IL13RA2: variants seen among roughly 807,000 people sequenced by gnomAD.
The protein encoded by IL13RA2 is interleukin-13 receptor subunit alpha-2.
In IL13RA2, 25 loss-of-function variants were observed where a neutral mutation model predicts 34.1. The ratio of observed to expected loss-of-function variants is 0.73; its 90% confidence interval spans 0.53 to 1.03. IL13RA2 has a LOEUF of 1.03. IL13RA2 is among the 50% of genes least tolerant of loss of function. The pLI, the probability that IL13RA2 is intolerant of heterozygous loss-of-function variation, is 0.00. For synonymous variants in IL13RA2, 106 were observed against 100.4 expected (o/e 1.06, Z -0.33); for missense variants, 297 against 280.9 (o/e 1.06, Z -0.41).
In IL13RA2 at chrX:115,015,801, CA is replaced by C; in HGVS notation, c.114del (p.Phe38LeufsTer3). On this transcript the variant is annotated frameshift_variant, in exon 3 of 10. Coordinates refer to ENST00000243213, the MANE Select transcript of IL13RA2 (RefSeq NM_000640.3). LOFTEE classifies it high-confidence loss of function. The stretch of plus-strand genomic sequence containing the variant: ...CCTAAGTATCCGGGATCCACTATCT[CA>C]AAATCCTGAGGAGGGTTAACTGAAA... ...TEIKVNPPQD[F>X]EIVDPGYLGY... The C allele has an allele frequency of 8.5e-7, 1 of 1,183,036 alleles. No homozygotes were observed. Among genetic ancestry groups the C allele is most frequent in the Non-Finnish European group, 1.1e-6 (1 of 870,632 alleles).
chrX:115,015,947 A>G, intron 2 of IL13RA2, 126 bp from the exon 3 acceptor site: 1 of 466,527 alleles, frequency 2.1e-6, no homozygotes, highest in African/African-American at 2.4e-5. Context: ...CATGCATACA[A>G]TCAAATATTA....
At chrX:115,005,393 A>G (rs1258961651) in intron 8 of IL13RA2, 78 bp from the exon 9 acceptor site, 3 of 574,513 alleles carry the variant, frequency 5.2e-6, no homozygotes, top group Non-Finnish European at 9.1e-6. Context: ...TTTTATAAAT[A>G]CTTCAGAACT....
At chrX:115,016,909 G>GA (rs2071730279) in intron 2 of IL13RA2, among the ~76,000 whole-genome samples, 1 of 110,048 alleles carries the variant, frequency 9.1e-6, no homozygotes, top group African/African-American at 3.3e-5. Context: ...TGTTAAAAAA[G>GA]ACTATACAAA....
Position 115,014,507 on chromosome X carries a change from A to G in IL13RA2, c.314T>C (p.Ile105Thr), listed in dbSNP as rs1569507492. ...GCATTGCCATGGTAAAAGCGTGTGT[A>G]TCTTCGCTTCAATGCCCTTGTTAAG... Reference protein sequence around the residue: ...FDLNKGIEAKIHTLLPWQCTN... With the variant: ...FDLNKGIEAKTHTLLPWQCTN... Residue 105 changes from isoleucine to threonine, a missense_variant, in exon 4 of 10, where the codon ATA becomes ACA. Coordinates refer to ENST00000243213, the MANE Select transcript of IL13RA2 (RefSeq NM_000640.3). 3 of 1,191,775 alleles carry G rather than the reference A, an allele frequency of 2.5e-6. No homozygotes were observed. The South Asian group carries it at 5.4e-5, about 22-fold the overall frequency.
At chrX:115,006,294 C>G (rs1475482113) in intron 8 of IL13RA2, among the ~76,000 whole-genome samples, 5 of 111,789 alleles carry the variant, frequency 4.5e-5, no homozygotes, top group Non-Finnish European at 7.5e-5. Flanking sequence ...TCCTATTTTT[C>G]TATAACTTGA....
chrX:115,017,489 T>C (rs1489168737), intron 1 of IL13RA2, 64 bp downstream of exon 1: 5 of 328,908 alleles, frequency 1.5e-5, no homozygotes, highest in Non-Finnish European at 2.6e-5. Context: ...AAGAAAGGAT[T>C]CTAGTCTCAT....
At chrX:115,012,517 C>T (rs1035769097) in intron 5 of IL13RA2, among the ~76,000 whole-genome samples, 2 of 111,995 alleles carry the variant, frequency 1.8e-5, no homozygotes, top group African/African-American at 3.2e-5. Flanking sequence ...GTAATCTCAG[C>T]GCTTTCGGAG....
chrX:115,009,406 G>A, intron 7 of IL13RA2, 115 bp downstream of exon 7: 6 of 525,692 alleles, frequency 1.1e-5, no homozygotes, highest in Non-Finnish European at 1.9e-5. Flanking sequence ...ATTGAACTAA[G>A]ATATATGTCA....
intron 6 of IL13RA2, among the ~76,000 whole-genome samples, chrX:115,010,119 C>T (rs1416046713): frequency 9.0e-6 from 1 of 111,449 alleles, no homozygotes; most frequent in African/African-American, 3.3e-5. Flanking sequence ...CTCTGTTATC[C>T]TCATGTTACT....
chrX:115,010,539 C>T (rs1326226108), intron 6 of IL13RA2, 105 bp downstream of exon 6: 7 of 433,009 alleles, frequency 1.6e-5, no homozygotes, highest in African/African-American at 2.5e-5. Context: ...CTGTCTATGT[C>T]TCTCTCTCCT....
intron 7 of IL13RA2, among the ~76,000 whole-genome samples, chrX:115,008,529 A>T (rs1025739199): frequency 1.8e-5 from 2 of 111,518 alleles, no homozygotes; most frequent in Non-Finnish European, 3.8e-5. Flanking sequence ...TTTTTTCCTT[A>T]TGCTTATTTC....
In IL13RA2 at chrX:115,005,257, T is replaced by A. The variant is rs2071680716; in HGVS notation, c.1056A>T (p.Leu352Phe). ...GACCGGTTACAAATATAACTAATAT[T>A]AAGATGAAACCAAATGGTAGCCAGA... ...LRFWLPFGFI[L>F]ILVIFVTGLL... The change falls in exon 9 of 10, where the codon TTA (leucine) becomes TTT (phenylalanine). Residue 352 changes from leucine (L) to phenylalanine (F), a missense_variant. Transcript: ENST00000243213. 1 of 1,155,538 alleles carries A rather than the reference T, an allele frequency of 8.7e-7. No homozygotes were observed. Among genetic ancestry groups the A allele is most frequent in the Non-Finnish European group, 1.2e-6 (1 of 844,105 alleles).
At chrX:115,006,535 T>C (rs782322995) in intron 8 of IL13RA2, among the ~76,000 whole-genome samples, 1 of 110,051 alleles carries the variant, frequency 9.1e-6, no homozygotes, top group East Asian at 2.9e-4. Context: ...ATACAGAAAT[T>C]AGCCAGGCGT....
rs782275015 is a variant in IL13RA2, at chrX:115,005,259, A to G, written c.1054T>C (p.Leu352=). The change falls in exon 9 of 10, where the codon TTA becomes CTA. Residue 352 remains leucine, a synonymous_variant. Transcript: ENST00000243213. ...LRFWLPFGFI[L]ILVIFVTGLL... is the part of the protein sequence containing the mutation. ...CCGGTTACAAATATAACTAATATTA[A>G]GATGAAACCAAATGGTAGCCAGAAA... The G allele has an allele frequency of 2.6e-6, 3 of 1,150,926 alleles. No homozygotes were observed. The highest frequency in any genetic ancestry group is 2.2e-5 in the Admixed American group (1 of 45,830). 94.8% of individuals were successfully genotyped at this position (1,150,926 alleles called of 1,213,427 possible). A position where few individuals can be genotyped will look rare whatever the true frequency, so the allele number is the denominator to read the frequency against.
At chrX:115,010,963 C>G (rs782132471) in intron 5 of IL13RA2, 135 bp from the exon 6 acceptor site, 3 of 332,073 alleles carry the variant, frequency 9.0e-6, no homozygotes, top group Middle Eastern at 5.8e-4. Context: ...TATTAAGCAC[C>G]TACTATATGT....
At chrX:115,017,390 G>C in intron 1 of IL13RA2, 88 bp from the exon 2 acceptor site, 2 of 474,413 alleles carry the variant, frequency 4.2e-6, no homozygotes, top group South Asian at 6.3e-5. Flanking sequence ...AAAGCTCTCT[G>C]TGTGCTTCTC....
At chrX:115,007,897 G>A (rs1556507990) in intron 8 of IL13RA2, 35 bp downstream of exon 8, 1 of 877,298 alleles carries the variant, frequency 1.1e-6, no homozygotes. Context: ...CTAGCAAAGA[G>A]CTCATTATTT....
At chrX:115,005,135 GT>G in intron 9 of IL13RA2, 61 bp downstream of exon 9, 1 of 601,899 alleles carries the variant, frequency 1.7e-6, no homozygotes, top group African/African-American at 2.3e-5. Flanking sequence ...TCAGTTCTAA[GT>G]GCAGAACATT....
Position 115,015,710 on chromosome X carries a change from T to C in IL13RA2, c.206A>G (p.Tyr69Cys). 1 of 1,201,890 alleles carries C rather than the reference T, an allele frequency of 8.3e-7. No individual in the cohort carries two copies. Among genetic ancestry groups the C allele is most frequent in the Non-Finnish European group, 1.1e-6 (1 of 886,455 alleles). ...ACCAATGTTTCGGTATTTTAGTTCA[T>C]ATTCCACTGTGCATTCCTTAAAATG... ...LDHFKECTVE[Y>C]ELKYRNIGSE... The change falls in exon 3 of 10, where the codon TAT becomes TGT. Residue 69 changes from tyrosine to cysteine, a missense_variant. Coordinates refer to ENST00000243213, the MANE Select transcript of IL13RA2 (RefSeq NM_000640.3).
Sources: gnomAD v4.1 joint callset for allele counts (sites outside exome capture counted in the v4.1 genomes callset) on GRCh38, gnomAD v4.1.1 for gene constraint, MANE v1.5 for transcripts, NCBI Gene and HGNC (gene_info 2026-07-23, HGNC 2026-07-21) for gene names.